COL25A1: variants seen among roughly 807,000 people sequenced by gnomAD.
COL25A1 encodes the protein collagen type XXV alpha 1 chain.
COL25A1 carries 103 observed loss-of-function variants against 128.4 expected under a neutral mutation model. That is an observed-to-expected ratio of 0.80 (90% CI 0.68 to 0.94). The LOEUF (loss-of-function observed/expected upper bound fraction) is 0.94. Ranked by LOEUF, COL25A1 falls within the 40% of genes least tolerant of loss-of-function variation. The pLI is 0.00. For missense variants in COL25A1, 745 were observed against 840.0 expected, an observed-to-expected ratio of 0.89 and a Z score of 1.40; for synonymous variants, 279 against 277.2, an observed-to-expected ratio of 1.01 and a Z score of -0.06.
chr4:109,013,596 C>G (rs1756897670), intron 5 of COL25A1, among the ~76,000 whole-genome samples: 1 of 151,774 alleles, frequency 6.6e-6, no homozygotes, highest in African/African-American at 2.4e-5. Flanking sequence ...AGGTCTGCAG[C>G]TTCACTCCTG....
intron 20 of COL25A1, among the ~76,000 whole-genome samples, chr4:108,864,789 C>G (rs1737686678): frequency 6.6e-6 from 1 of 152,088 alleles, no homozygotes; most frequent in Non-Finnish European, 1.5e-5. Flanking sequence ...AGAAACTGCA[C>G]AAAACACTTT....
intron 24 of COL25A1, among the ~76,000 whole-genome samples, chr4:108,857,212 C>T (rs1736628099): frequency 2.6e-5 from 4 of 152,010 alleles, no homozygotes; most frequent in Admixed American, 2.6e-4. Flanking sequence ...GGGCAATTTA[C>T]AACATTGCTA....
At chr4:109,285,576 A>G (rs914181713) in intron 3 of COL25A1, among the ~76,000 whole-genome samples, 1 of 152,220 alleles carries the variant, frequency 6.6e-6, no homozygotes, top group African/African-American at 2.4e-5. Flanking sequence ...CAATCTAAAA[A>G]AGGGATTATC....
rs775620016 is a variant in COL25A1, at chr4:108,810,573, G to A, written c.*3354C>T. ...TATTTGTGCACTAGGTACTCTATAC[G>A]GTGTGTGCAGACTTCTCTGATGCTA... On this transcript the variant is annotated 3_prime_UTR_variant, in exon 38 of 38. Transcript: ENST00000399132. 17 of 152,062 alleles carry A rather than the reference G, an allele frequency of 1.1e-4. No individual in the cohort carries two copies. Among genetic ancestry groups the A allele is most frequent in the Non-Finnish European group, 1.8e-4 (12 of 67,856 alleles). The allele number at this position is 152,062 out of a possible 1,614,324, so 9.4% of individuals were successfully genotyped here. A position where few individuals can be genotyped will look rare whatever the true frequency, so the allele number is the denominator to read the frequency against.
chr4:108,817,682 T>G (rs1731376372), intron 36 of COL25A1, among the ~76,000 whole-genome samples: 1 of 152,208 alleles, frequency 6.6e-6, no homozygotes, highest in African/African-American at 2.4e-5. Flanking sequence ...TATGCCTAAT[T>G]TTGAAAAAGC....
intron 3 of COL25A1, among the ~76,000 whole-genome samples, chr4:109,160,119 G>A (rs1204792804): frequency 4.6e-5 from 7 of 152,176 alleles, no homozygotes; most frequent in African/African-American, 1.7e-4. Context: ...GAAAGGAATA[G>A]TGTAATAAAG....
At chr4:108,824,713 AGCAGT>A (rs1193093418) in intron 34 of COL25A1, among the ~76,000 whole-genome samples, 5 of 152,232 alleles carry the variant, frequency 3.3e-5, no homozygotes, top group Non-Finnish European at 5.9e-5. Flanking sequence ...ATACAGGATG[AGCAGT>A]GATTGTGTCT....
chr4:108,818,090 C>T (rs185947715), intron 36 of COL25A1, among the ~76,000 whole-genome samples: 2 of 152,160 alleles, frequency 1.3e-5, no homozygotes, highest in Admixed American at 1.3e-4. Flanking sequence ...CTAAGTGTTG[C>T]AAAATTTATT....
At chr4:109,012,888 G>C (rs147845856) in intron 5 of COL25A1, among the ~76,000 whole-genome samples, 3 of 152,356 alleles carry the variant, frequency 2.0e-5, no homozygotes, top group African/African-American at 4.8e-5. Context: ...GGGCAGCTCC[G>C]CCAGCAGCCC....
chr4:109,151,426 A>C (rs1771493653), intron 3 of COL25A1, among the ~76,000 whole-genome samples: 1 of 152,122 alleles, frequency 6.6e-6, no homozygotes, highest in Non-Finnish European at 1.5e-5. Flanking sequence ...GAACCTTATG[A>C]CTATTCAATT....
chr4:109,260,173 TATC>T (rs1372227002), intron 3 of COL25A1, among the ~76,000 whole-genome samples: 1 of 152,222 alleles, frequency 6.6e-6, no homozygotes, highest in Non-Finnish European at 1.5e-5. Flanking sequence ...CTTTGCCAGA[TATC>T]ATATTGTAAG....
intron 8 of COL25A1, among the ~76,000 whole-genome samples, chr4:108,945,935 GATT>G (rs1197241182): frequency 6.6e-6 from 1 of 152,168 alleles, no homozygotes; most frequent in African/African-American, 2.4e-5. Flanking sequence ...AAAGTGCTGG[GATT>G]ATAGGTGTGA....
chr4:108,862,266 C>T (rs1330573575), intron 22 of COL25A1, among the ~76,000 whole-genome samples: 2 of 152,136 alleles, frequency 1.3e-5, no homozygotes, highest in Non-Finnish European at 1.5e-5. Context: ...AATACAACTT[C>T]TCTTAAAGAA....
intron 11 of COL25A1, among the ~76,000 whole-genome samples, chr4:108,932,606 T>C (rs190632331): frequency 2.8e-4 from 43 of 152,266 alleles, no homozygotes; most frequent in Non-Finnish European, 4.0e-4. Flanking sequence ...AACAGGAAAG[T>C]GATTTGGTTT....
chr4:108,843,889 CTAT>C (rs5860951), intron 30 of COL25A1, among the ~76,000 whole-genome samples: 92,295 of 149,144 alleles, frequency 0.62, 28,796 homozygotes, highest in South Asian at 0.77. Context: ...GCTATTATTA[CTAT>C]TATTATTATT....
chr4:108,985,150 C>A (rs1238539095), intron 6 of COL25A1, among the ~76,000 whole-genome samples: 1 of 152,186 alleles, frequency 6.6e-6, no homozygotes, highest in Non-Finnish European at 1.5e-5. Context: ...TTAATATGAG[C>A]TTCTACAACT....
intron 8 of COL25A1, among the ~76,000 whole-genome samples, chr4:108,973,591 G>A (rs1350658094): frequency 6.6e-6 from 1 of 152,154 alleles, no homozygotes; most frequent in African/African-American, 2.4e-5. Context: ...CCTTTCCACT[G>A]TAAAAAATTA....
At chr4:109,070,143 G>A (rs112772566) in intron 3 of COL25A1, among the ~76,000 whole-genome samples, 22,606 of 151,130 alleles carry the variant, frequency 0.15, 1,876 homozygotes, top group Middle Eastern at 0.21. Flanking sequence ...CTCTAGTCCC[G>A]GCTACTCGGG....
At chr4:109,056,182 T>C (rs1761428375) in intron 3 of COL25A1, among the ~76,000 whole-genome samples, 1 of 152,118 alleles carries the variant, frequency 6.6e-6, no homozygotes, top group Non-Finnish European at 1.5e-5. Flanking sequence ...CCCTTATTTT[T>C]AACAATAGAA....
Sources: gnomAD v4.1 joint callset for allele counts (sites outside exome capture counted in the v4.1 genomes callset) on GRCh38, gnomAD v4.1.1 for gene constraint, MANE v1.5 for transcripts, NCBI Gene and HGNC (gene_info 2026-07-23, HGNC 2026-07-21) for gene names.